The following IL1RAPL2 variants were observed in gnomAD, a reference collection of about 807,000 sequenced individuals.
IL1RAPL2 encodes X-linked interleukin-1 receptor accessory protein-like 2.
Under a neutral mutation model 44.1 loss-of-function variants are expected in IL1RAPL2, and 3 were observed. The ratio of observed to expected loss-of-function variants is 0.07; its 90% CI spans 0.03 to 0.18. The LOEUF is 0.18. IL1RAPL2 is among the 10% of genes least tolerant of loss of function. The probability of loss-of-function intolerance (pLI) is 1.00; values close to 1 mark genes in which losing one functional copy is unlikely to be tolerated. For missense variants in IL1RAPL2, 391 were observed against 496.4 expected (o/e 0.79, Z 2.02); for synonymous variants, 181 against 178.8 (o/e 1.01, Z -0.10).
chrX:105,113,344 A>G (rs946482647), intron 2 of IL1RAPL2, among the ~76,000 whole-genome samples: 23 of 112,280 alleles, frequency 2.0e-4, no homozygotes, highest in Admixed American at 1.2e-3. Flanking sequence ...CTCTCTGCTC[A>G]CTTCCTGTAC....
At chrX:105,380,199 G>C (rs2021938) in intron 5 of IL1RAPL2, among the ~76,000 whole-genome samples, 14,595 of 111,056 alleles carry the variant, frequency 0.13, 2,322 homozygotes, top group African/African-American at 0.45. Flanking sequence ...ATAGAAATGA[G>C]GAAAACGAAT....
intron 6 of IL1RAPL2, among the ~76,000 whole-genome samples, chrX:105,554,626 T>TC (rs753422512): frequency 1.6e-4 from 18 of 111,644 alleles, no homozygotes; most frequent in South Asian, 3.7e-4. Context: ...AGCTTTTTTT[T>TC]CCTCAATATC....
chrX:105,195,590 G>C lies in IL1RAPL2; in HGVS notation c.198G>C (p.Thr66=), dbSNP rs2033666588. 8.3e-7 allele frequency: 1 copy of C among 1,210,123 alleles called. No individual in the cohort carries two copies. Among genetic ancestry groups the C allele is most frequent in the African/African-American group, 1.7e-5 (1 of 57,307 alleles). ...GTTATATTCGTACCAACTATAGCAC[G>C]GCCCAGAGCACTGGGCTCAGGCTTA... The part of the protein sequence containing the change: ...FYSYIRTNYS[T]AQSTGLRLMW... Residue 66 remains threonine (T), a synonymous_variant, in exon 3 of 11, where the codon ACG becomes ACC. Coordinates refer to ENST00000372582, the MANE Select transcript of IL1RAPL2 (RefSeq NM_017416.2).
chrX:105,448,808 C>T (rs2035996329), intron 5 of IL1RAPL2, among the ~76,000 whole-genome samples: 1 of 110,915 alleles, frequency 9.0e-6, no homozygotes, highest in Admixed American at 9.7e-5. Flanking sequence ...CTTTCTTCTG[C>T]TTGATCAGTC....
chrX:104,728,294 A>G (rs749423289), intron 2 of IL1RAPL2, among the ~76,000 whole-genome samples: 1 of 111,544 alleles, frequency 9.0e-6, no homozygotes, highest in African/African-American at 3.2e-5. Flanking sequence ...CTAAAAATAT[A>G]TGTGCTAGTA....
intron 5 of IL1RAPL2, among the ~76,000 whole-genome samples, chrX:105,356,637 C>A (rs1391920017): frequency 8.9e-6 from 1 of 112,111 alleles, no homozygotes; most frequent in East Asian, 2.8e-4. Context: ...AAGGGCATTA[C>A]CTGCTGAGAC....
chrX:104,667,205 A>G (rs1395182652), intron 2 of IL1RAPL2, among the ~76,000 whole-genome samples: 1 of 111,736 alleles, frequency 8.9e-6, no homozygotes, highest in Non-Finnish European at 1.9e-5. Context: ...TGGCATCTCT[A>G]CTTTGTGGAG....
At chrX:105,263,373 T>C (rs1296692114) in intron 4 of IL1RAPL2, among the ~76,000 whole-genome samples, 1 of 111,601 alleles carries the variant, frequency 9.0e-6, no homozygotes, top group African/African-American at 3.3e-5. Flanking sequence ...AGAAGAAATA[T>C]TGAAATCAAT....
intron 2 of IL1RAPL2, among the ~76,000 whole-genome samples, chrX:104,870,999 A>G (rs1320521960): frequency 9.0e-6 from 1 of 110,600 alleles, no homozygotes; most frequent in African/African-American, 3.3e-5. Flanking sequence ...TTCTTTGTAA[A>G]CTTTCCCCTG....
intron 5 of IL1RAPL2, among the ~76,000 whole-genome samples, chrX:105,300,453 A>G (rs2034688131): frequency 9.0e-6 from 1 of 110,585 alleles, no homozygotes; most frequent in Non-Finnish European, 1.9e-5. Flanking sequence ...CACGAAGAGG[A>G]TGGTGCTAAA....
At chrX:105,032,974 T>C (rs1297457142) in intron 2 of IL1RAPL2, among the ~76,000 whole-genome samples, 1 of 111,946 alleles carries the variant, frequency 8.9e-6, no homozygotes, top group Non-Finnish European at 1.9e-5. Flanking sequence ...CCTTTACCAT[T>C]ATGTAATGGC....
At chrX:105,578,557 C>T (rs903218990) in intron 6 of IL1RAPL2, among the ~76,000 whole-genome samples, 2 of 110,847 alleles carry the variant, frequency 1.8e-5, no homozygotes, top group Non-Finnish European at 3.8e-5. Flanking sequence ...GACAGAGAAA[C>T]CAAGAAAACC....
intron 3 of IL1RAPL2, among the ~76,000 whole-genome samples, chrX:105,206,605 A>T (rs1384671287): frequency 8.9e-6 from 1 of 112,478 alleles, no homozygotes; most frequent in Non-Finnish European, 1.9e-5. Context: ...TAGTTTCATC[A>T]GTGAACATTA....
At chrX:105,113,043 G>A (rs1428556832) in intron 2 of IL1RAPL2, among the ~76,000 whole-genome samples, 1 of 112,565 alleles carries the variant, frequency 8.9e-6, no homozygotes, top group Non-Finnish European at 1.9e-5. Flanking sequence ...GTAACCAAAA[G>A]CAAGCATCTT....
chrX:105,266,154 G>A (rs1243256172), intron 4 of IL1RAPL2, among the ~76,000 whole-genome samples: 1 of 109,362 alleles, frequency 9.1e-6, no homozygotes, highest in Non-Finnish European at 1.9e-5. Context: ...AGATTCTTCT[G>A]CCTCAGCCTC....
At chrX:104,760,400 C>T (rs2147589167) in intron 2 of IL1RAPL2, among the ~76,000 whole-genome samples, 1 of 112,176 alleles carries the variant, frequency 8.9e-6, no homozygotes, top group East Asian at 2.8e-4. Flanking sequence ...TTCCCACTAA[C>T]AGTGCAGAAG....
intron 5 of IL1RAPL2, among the ~76,000 whole-genome samples, chrX:105,350,233 A>C: frequency 9.0e-6 from 1 of 111,515 alleles, no homozygotes; most frequent in Non-Finnish European, 1.9e-5. Context: ...ATGATTGATG[A>C]ATAAATTCCT....
intron 2 of IL1RAPL2, among the ~76,000 whole-genome samples, chrX:104,791,213 C>T (rs1457234290): frequency 9.8e-6 from 1 of 101,701 alleles, no homozygotes; most frequent in Non-Finnish European, 2.0e-5. Context: ...TCCCTTCCCT[C>T]TCCCTCCTCT....
At chrX:105,246,769 T>G (rs1464613553) in intron 4 of IL1RAPL2, among the ~76,000 whole-genome samples, 1 of 111,924 alleles carries the variant, frequency 8.9e-6, no homozygotes, top group Admixed American at 9.5e-5. Flanking sequence ...CTACATTTAT[T>G]CAAAAGAAAC....
Sources: gnomAD v4.1 joint callset for allele counts (sites outside exome capture counted in the v4.1 genomes callset) on GRCh38, gnomAD v4.1.1 for gene constraint, MANE v1.5 for transcripts, NCBI Gene and HGNC (gene_info 2026-07-23, HGNC 2026-07-21) for gene names.